FNIP1: variants seen among roughly 807,000 people sequenced by gnomAD.
FNIP1 encodes the protein folliculin interacting protein 1, also known as folliculin-interacting protein 1.
A neutral mutation model predicts 124.5 loss-of-function variants in FNIP1; 40 were observed. That is an observed-to-expected ratio of 0.32 (90% confidence interval 0.25 to 0.42). The LOEUF (loss-of-function observed/expected upper bound fraction) is 0.42, where lower values mean the gene tolerates loss of function less well. Ranked by LOEUF, FNIP1 falls within the 10% of genes least tolerant of loss-of-function variation. The pLI, the probability that FNIP1 is intolerant of heterozygous loss-of-function variation, is 1.00. For synonymous variants in FNIP1, 472 were observed against 470.6 expected, an observed-to-expected ratio of 1.00 and a Z score of -0.04; for missense variants, 1,176 against 1,403.7, an observed-to-expected ratio of 0.84 and a Z score of 2.59.
intron 2 of FNIP1, among the ~76,000 whole-genome samples, chr5:131,731,558 G>A (rs750996483): frequency 6.6e-6 from 1 of 151,684 alleles, no homozygotes; most frequent in Non-Finnish European, 1.5e-5. Flanking sequence ...GGAGGATGAG[G>A]CACAAGAATC....
chr5:131,684,102 C>A (rs948032830), intron 11 of FNIP1, among the ~76,000 whole-genome samples: 1 of 152,102 alleles, frequency 6.6e-6, no homozygotes, highest in Non-Finnish European at 1.5e-5. Flanking sequence ...ATTTGGAAGC[C>A]ATTTTTAACA....
chr5:131,653,925 A>G (rs994989154), intron 15 of FNIP1, among the ~76,000 whole-genome samples: 8 of 152,294 alleles, frequency 5.3e-5, no homozygotes, highest in African/African-American at 1.9e-4. Context: ...TACTTTTAGT[A>G]GAGACAGGGT....
intron 2 of FNIP1, among the ~76,000 whole-genome samples, chr5:131,742,048 T>C (rs1770529127): frequency 6.6e-6 from 1 of 152,214 alleles, no homozygotes; most frequent in South Asian, 2.1e-4. Flanking sequence ...AATTTCTTTT[T>C]TGATAAAGCG....
At chr5:131,662,441 T>C (rs968361832) in intron 15 of FNIP1, among the ~76,000 whole-genome samples, 1 of 152,188 alleles carries the variant, frequency 6.6e-6, no homozygotes, top group African/African-American at 2.4e-5. Context: ...ACATGGTTAG[T>C]CTTAGAAAAT....
Position 131,679,082 on chromosome 5 carries a change from G to A in FNIP1, c.1296C>T (p.Cys432=), listed in dbSNP as rs1204318684. 1 of 1,612,854 alleles carries A rather than the reference G, an allele frequency of 6.2e-7. No homozygotes were observed. The highest frequency in any genetic ancestry group is 8.5e-7 in the Non-Finnish European group (1 of 1,179,348). The change falls in exon 12 of 18, where the codon TGC becomes TGT. Residue 432 remains cysteine (C), a synonymous_variant. Transcript: ENST00000510461. ...AGGTGAACTCCTTCATGAAACGATAGCAAAGGTGGTTCTTTTCTGGAGTCC... is the reference window on the plus strand; with the variant it reads ...AGGTGAACTCCTTCATGAAACGATAACAAAGGTGGTTCTTTTCTGGAGTCC... ...MSGTPEKNHL[C]YRFMKEFTFL...
chr5:131,683,711 C>T (rs892793878), intron 11 of FNIP1, among the ~76,000 whole-genome samples: 1 of 151,534 alleles, frequency 6.6e-6, no homozygotes, highest in African/African-American at 2.4e-5. Flanking sequence ...TATTTTGATC[C>T]GAGGTTGGCT....
At chr5:131,752,177 G>A (rs898716247) in intron 1 of FNIP1, among the ~76,000 whole-genome samples, 2 of 151,980 alleles carry the variant, frequency 1.3e-5, no homozygotes, top group South Asian at 2.1e-4. Flanking sequence ...CCGAGTAGCT[G>A]GGACTACAGG....
intron 1 of FNIP1, among the ~76,000 whole-genome samples, chr5:131,790,251 T>C (rs1362164607): frequency 2.6e-5 from 4 of 152,104 alleles, no homozygotes; most frequent in Non-Finnish European, 2.9e-5. Flanking sequence ...GTGGCTATTT[T>C]TGATAGCGTG....
At chr5:131,792,326 G>A (rs536853717) in intron 1 of FNIP1, among the ~76,000 whole-genome samples, 1 of 152,016 alleles carries the variant, frequency 6.6e-6, no homozygotes, top group African/African-American at 2.4e-5. Flanking sequence ...ACACCCAGCT[G>A]ATTCTTGCAT....
At position 131,726,544 on chromosome 5, in the gene FNIP1, G is replaced by C. The variant is rs185562796; in HGVS notation, c.354+4360C>G. Among the ~76,000 whole-genome samples the C allele has an allele frequency of 7.9e-5, 12 of 152,158 alleles. No homozygotes were observed. In the East Asian group the frequency reaches 2.3e-3, roughly 29 times the overall value. Reference sequence around the variant, plus strand: ...AACACGTTTCTTATTGTGTTTATTTGATTCTTTTCTCTTTTCTTCTTCATT... The same window carrying C: ...AACACGTTTCTTATTGTGTTTATTTCATTCTTTTCTCTTTTCTTCTTCATT... On this transcript the variant is annotated intron_variant, in intron 3 of 17. Coordinates refer to ENST00000510461, the MANE Select transcript of FNIP1 (RefSeq NM_133372.3).
rs1769841952 is a variant in FNIP1, at chr5:131,725,816, T to C, written c.354+5088A>G. Among the ~76,000 whole-genome samples, 2 of 152,250 alleles carry C rather than the reference T, an allele frequency of 1.3e-5. 1 individual carries two copies. The highest frequency in any genetic ancestry group is 4.1e-4 in the South Asian group (2 of 4,836). On this transcript the variant is annotated intron_variant, in intron 3 of 17. Transcript: ENST00000510461. ...GCTTCCAGCGTTTGCCCATTCGGGATGATACTGGCTATGGGTTTGTCATAA... is the reference window on the plus strand; with the variant it reads ...GCTTCCAGCGTTTGCCCATTCGGGACGATACTGGCTATGGGTTTGTCATAA...
chr5:131,659,051 A>G (rs1486856571), intron 15 of FNIP1, among the ~76,000 whole-genome samples: 1 of 152,156 alleles, frequency 6.6e-6, no homozygotes, highest in Non-Finnish European at 1.5e-5. Flanking sequence ...TCCGCCTAGA[A>G]GCATTTGCGA....
At chr5:131,681,695 C>T (rs1768087622) in intron 11 of FNIP1, among the ~76,000 whole-genome samples, 1 of 130,070 alleles carries the variant, frequency 7.7e-6, no homozygotes, top group Non-Finnish European at 1.7e-5. Flanking sequence ...AAAAACAAAA[C>T]ATTCACAAAA....
At chr5:131,735,296 C>T (rs867883230) in intron 2 of FNIP1, among the ~76,000 whole-genome samples, 2 of 151,976 alleles carry the variant, frequency 1.3e-5, no homozygotes, top group Admixed American at 6.6e-5. Context: ...ACATCACACA[C>T]CAGGGCCTGC....
At chr5:131,652,158 C>CAAAT (rs1363440280) in intron 15 of FNIP1, among the ~76,000 whole-genome samples, 159 bp from the exon 16 acceptor site, 1 of 152,148 alleles carries the variant, frequency 6.6e-6, no homozygotes, top group East Asian at 1.9e-4. Context: ...AACTCATTAA[C>CAAAT]AAATACCCTG....
intron 13 of FNIP1, among the ~76,000 whole-genome samples, chr5:131,673,223 AT>A (rs1347623845): frequency 1.7e-3 from 236 of 136,280 alleles, no homozygotes; most frequent in Middle Eastern, 3.8e-3. Flanking sequence ...AATTTTTTGT[AT>A]TTTTTTTTTT....
At chr5:131,759,789 T>C (rs894786063) in intron 1 of FNIP1, among the ~76,000 whole-genome samples, 2 of 152,190 alleles carry the variant, frequency 1.3e-5, no homozygotes, top group African/African-American at 4.8e-5. Flanking sequence ...CATGTATTCA[T>C]ATGTTCATCA....
chr5:131,738,579 AGCCACC>A (rs1770398137), intron 2 of FNIP1, among the ~76,000 whole-genome samples: 1 of 152,182 alleles, frequency 6.6e-6, no homozygotes, highest in East Asian at 1.9e-4. Flanking sequence ...GGCTCACTGT[AGCCACC>A]GCCTCCTGGG....
intron 8 of FNIP1, among the ~76,000 whole-genome samples, chr5:131,708,059 C>T (rs1056508411): frequency 2.0e-5 from 3 of 152,074 alleles, no homozygotes; most frequent in Non-Finnish European, 2.9e-5. Flanking sequence ...ACACAAGCTA[C>T]TCTTATTAGA....
Sources: gnomAD v4.1 joint callset for allele counts (sites outside exome capture counted in the v4.1 genomes callset) on GRCh38, gnomAD v4.1.1 for gene constraint, MANE v1.5 for transcripts, NCBI Gene and HGNC (gene_info 2026-07-23, HGNC 2026-07-21) for gene names.